The following CCDC171 variants were observed in gnomAD, a reference collection of about 807,000 sequenced individuals.
The protein encoded by CCDC171 is coiled-coil domain-containing protein 171.
CCDC171 carries 177 observed loss-of-function variants against 168.2 expected under a neutral mutation model. The observed-to-expected ratio is 1.05, with a 90% CI of 0.93 to 1.19. The LOEUF is 1.19. CCDC171 is among the 50% of genes most tolerant of loss of function. The pLI is 0.00. For synonymous variants in CCDC171, 687 were observed against 540.8 expected, an observed-to-expected ratio of 1.27 and a Z score of -3.75; for missense variants, 1,991 against 1,539.0, an observed-to-expected ratio of 1.29 and a Z score of -4.91.
intron 3 of CCDC171, among the ~76,000 whole-genome samples, chr9:15,981,572 A>G (rs568856863): frequency 6.4e-4 from 97 of 152,310 alleles, no homozygotes; most frequent in African/African-American, 2.2e-3. Flanking sequence ...AAATGGAAAG[A>G]TCTGTCTGGA....
chr9:15,819,558 C>G (rs143207248), intron 21 of CCDC171, among the ~76,000 whole-genome samples: 4,920 of 115,976 alleles, frequency 0.042, 1,521 homozygotes, highest in African/African-American at 0.15. Flanking sequence ...GGATAAAACA[C>G]ACTTTAAACC....
intron 21 of CCDC171, among the ~76,000 whole-genome samples, chr9:15,843,171 A>G (rs2060754844): frequency 6.6e-6 from 1 of 152,046 alleles, no homozygotes; most frequent in African/African-American, 2.4e-5. Context: ...AAGGTAAGCA[A>G]TGACATCATT....
chr9:15,614,850 C>G (rs1305768451), intron 6 of CCDC171, among the ~76,000 whole-genome samples: 2 of 152,094 alleles, frequency 1.3e-5, no homozygotes, highest in Admixed American at 6.6e-5. Flanking sequence ...TAATCCTTCC[C>G]CCTTCCCCAT....
chr9:15,778,313 CAAAAAAAAAAAAAAAAAAAAA>C (rs71325933), intron 19 of CCDC171, among the ~76,000 whole-genome samples: 8 of 38,098 alleles, frequency 2.1e-4, no homozygotes, highest in African/African-American at 3.4e-4. Flanking sequence ...GACTCCGTCT[CAAAAAAAAAAAAAAAAAAAAA>C]AAAAAAAAAA....
At chr9:15,592,365 CAAAG>C (rs2042065234) in intron 5 of CCDC171, among the ~76,000 whole-genome samples, 1 of 150,706 alleles carries the variant, frequency 6.6e-6, no homozygotes, top group African/African-American at 2.4e-5. Context: ...AAAAACAAAA[CAAAG>C]AAAAAAAAAC....
intron 1 of CCDC171, among the ~76,000 whole-genome samples, chr9:15,555,696 T>G (rs545134743): frequency 2.0e-4 from 30 of 152,292 alleles, no homozygotes; most frequent in African/African-American, 6.0e-4. Context: ...TTTCTTTTAT[T>G]ATTATACTTT....
intron 1 of CCDC171, among the ~76,000 whole-genome samples, chr9:16,056,167 G>C (rs1833836811): frequency 6.6e-6 from 1 of 152,168 alleles, no homozygotes; most frequent in South Asian, 2.1e-4. Flanking sequence ...GTTTTCATTG[G>C]TGGTGGGAAA....
In CCDC171 at chr9:15,969,753, G is replaced by C. The variant is rs185468018; in HGVS notation, c.3754-1856G>C. Among the ~76,000 whole-genome samples the C allele has an allele frequency of 5.9e-5, 9 of 152,202 alleles. No individual in the cohort carries two copies. The East Asian group carries it at 1.5e-3, about 26-fold the overall frequency. On this transcript the variant is annotated intron_variant, in intron 25 of 25. Transcript: ENST00000380701. ...CTTCCAGCATTCCCCTAACCCCCAG[G>C]CCTGGCAGAATGAGAAGTTAGTAGA...
intron 9 of CCDC171, among the ~76,000 whole-genome samples, chr9:15,673,809 CT>C (rs2049307857): frequency 6.6e-6 from 1 of 152,062 alleles, no homozygotes; most frequent in Admixed American, 6.6e-5. Flanking sequence ...CTAAAATTCT[CT>C]TTTTTTGTTG....
intron 3 of CCDC171, among the ~76,000 whole-genome samples, chr9:16,009,310 CATCTGCATTCCTGAT>C (rs1408134033): frequency 6.6e-6 from 1 of 152,144 alleles, no homozygotes; most frequent in Non-Finnish European, 1.5e-5. Flanking sequence ...CTCACCTTTC[CATCTGCATTCCTGAT>C]ATCAAAGTAG....
chr9:15,587,926 A>G (rs1383291077), intron 4 of CCDC171, among the ~76,000 whole-genome samples: 1 of 152,204 alleles, frequency 6.6e-6, no homozygotes, highest in Non-Finnish European at 1.5e-5. Flanking sequence ...GTTATAAAAG[A>G]TGAAATCTAT....
intron 21 of CCDC171, among the ~76,000 whole-genome samples, chr9:15,809,301 G>A (rs1190029919): frequency 1.3e-5 from 2 of 152,022 alleles, no homozygotes; most frequent in Non-Finnish European, 2.9e-5. Context: ...TGTCCAATAT[G>A]GTAACCACTA....
chr9:15,573,842 C>T (rs909538850), intron 3 of CCDC171, among the ~76,000 whole-genome samples: 2 of 152,014 alleles, frequency 1.3e-5, no homozygotes, highest in African/African-American at 4.8e-5. Flanking sequence ...AGGAGGATTG[C>T]TTGTGCCCGG....
At chr9:15,893,103 A>C (rs937400978) in intron 24 of CCDC171, among the ~76,000 whole-genome samples, 4 of 152,176 alleles carry the variant, frequency 2.6e-5, no homozygotes, top group African/African-American at 9.7e-5. Context: ...GACTAATGGA[A>C]CAGAATAGAT....
At chr9:15,671,914 T>G (rs1450118811) in intron 9 of CCDC171, among the ~76,000 whole-genome samples, 1 of 152,206 alleles carries the variant, frequency 6.6e-6, no homozygotes, top group East Asian at 1.9e-4. Context: ...TCTAGATCCT[T>G]GAGGAATTGC....
Position 15,721,570 on chromosome 9 carries a change from G to T in CCDC171, c.1319-199G>T, listed in dbSNP as rs532911084. On this transcript the variant is annotated intron_variant, in intron 11 of 25. Coordinates refer to ENST00000380701, the MANE Select transcript of CCDC171 (RefSeq NM_173550.4). Reference sequence around the variant, plus strand: ...TTGTTTAGAAAGACTATTAATACTTGGCCATACAGCAGTATACTTGGAGAA... The same window carrying T: ...TTGTTTAGAAAGACTATTAATACTTTGCCATACAGCAGTATACTTGGAGAA... 1.1e-3 allele frequency among the ~76,000 whole-genome samples: 157 copies of T among 147,086 alleles called. 1 individual carries two copies. Among genetic ancestry groups the T allele is most frequent in the African/African-American group, 3.8e-3 (154 of 40,378 alleles).
At chr9:16,083,236 C>G in the CCDC171 span, among the ~76,000 whole-genome samples, 151 of 152,280 alleles carry the variant, frequency 9.9e-4, no homozygotes, top group African/African-American at 3.5e-3. Context: ...ACTTTATCCT[C>G]GCGATAATCC....
chr9:15,558,467 T>C (rs2132441592), intron 1 of CCDC171, among the ~76,000 whole-genome samples: 1 of 152,296 alleles, frequency 6.6e-6, no homozygotes, highest in East Asian at 1.9e-4. Flanking sequence ...CTTGGGTGGG[T>C]GTATGTGTCC....
At chr9:15,642,678 G>A (rs532708235) in intron 7 of CCDC171, among the ~76,000 whole-genome samples, 1 of 151,926 alleles carries the variant, frequency 6.6e-6, no homozygotes, top group African/African-American at 2.4e-5. Flanking sequence ...ATTTTTTGCT[G>A]TCCTTACTGA....
Sources: gnomAD v4.1 joint callset for allele counts (sites outside exome capture counted in the v4.1 genomes callset) on GRCh38, gnomAD v4.1.1 for gene constraint, MANE v1.5 for transcripts, NCBI Gene and HGNC (gene_info 2026-07-23, HGNC 2026-07-21) for gene names.